The following CTNNA2 variants were observed in gnomAD, a reference collection of about 807,000 sequenced individuals.
The protein encoded by CTNNA2 is catenin alpha 2.
In CTNNA2, 42 loss-of-function variants were observed where a neutral mutation model predicts 101.0. The ratio of observed to expected loss-of-function variants is 0.42; its 90% CI spans 0.32 to 0.54. The LOEUF (loss-of-function observed/expected upper bound fraction) is 0.54. Among genes scored for constraint, CTNNA2 ranks in the 20% least tolerant of loss-of-function variants. CTNNA2 has a pLI of 0.14. For synonymous variants in CTNNA2, 450 were observed against 456.4 expected, an observed-to-expected ratio of 0.99 and a Z score of 0.18; for missense variants, 871 against 1,223.1, an observed-to-expected ratio of 0.71 and a Z score of 4.29.
intron 7 of CTNNA2, among the ~76,000 whole-genome samples, chr2:80,297,893 G>A (rs1558979283): frequency 6.6e-6 from 1 of 152,088 alleles, no homozygotes; most frequent in African/African-American, 2.4e-5. Flanking sequence ...CTGAATAAAA[G>A]TTTGATTATG....
chr2:79,665,506 T>G (rs1190582636), intron 2 of CTNNA2, among the ~76,000 whole-genome samples: 1 of 152,242 alleles, frequency 6.6e-6, no homozygotes, highest in African/African-American at 2.4e-5. Flanking sequence ...CACATGAAAG[T>G]GCCCTCCTCT....
chr2:79,390,245 G>A (rs1678157690), intron 4 of CTNNA2, among the ~76,000 whole-genome samples: 1 of 152,058 alleles, frequency 6.6e-6, no homozygotes, highest in Non-Finnish European at 1.5e-5. Context: ...TGCTTAAATA[G>A]CAATAAACAA....
intron 4 of CTNNA2, among the ~76,000 whole-genome samples, chr2:79,461,853 T>G (rs1228751328): frequency 6.6e-6 from 1 of 151,926 alleles, no homozygotes. Flanking sequence ...GAGAATAAAT[T>G]GTCACTTCAG....
intron 7 of CTNNA2, among the ~76,000 whole-genome samples, chr2:80,126,737 C>T (rs773513910): frequency 2.0e-5 from 3 of 151,478 alleles, no homozygotes; most frequent in Non-Finnish European, 2.9e-5. Flanking sequence ...CATGGCCTAC[C>T]CTTCTTTTCC....
intron 5 of CTNNA2, chr2:79,505,299 T>G (rs1052782582): frequency 1.3e-5 from 2 of 152,216 alleles, no homozygotes; most frequent in African/African-American, 2.4e-5. Context: ...TTCTAACACC[T>G]GCATAATCAG....
chr2:79,931,493 G>C (rs1292719604), intron 7 of CTNNA2, among the ~76,000 whole-genome samples: 1 of 152,018 alleles, frequency 6.6e-6, no homozygotes, highest in Non-Finnish European at 1.5e-5. Context: ...TTGTACCCAT[G>C]GTCCTCAAAG....
intron 2 of CTNNA2, among the ~76,000 whole-genome samples, chr2:79,652,166 G>A (rs1244965654): frequency 1.3e-5 from 2 of 151,288 alleles, no homozygotes; most frequent in African/African-American, 4.9e-5. Context: ...ATTTTTAAGT[G>A]TTATAAGTTA....
chr2:79,772,609 G>A (rs1324955362), intron 3 of CTNNA2, among the ~76,000 whole-genome samples: 3 of 152,114 alleles, frequency 2.0e-5, no homozygotes, highest in Admixed American at 6.5e-5. Flanking sequence ...GTTCTCTTCT[G>A]TTGCCCGGGC....
At chr2:80,368,938 G>A (rs371801577) in intron 7 of CTNNA2, among the ~76,000 whole-genome samples, 4 of 151,592 alleles carry the variant, frequency 2.6e-5, no homozygotes, top group African/African-American at 9.7e-5. Flanking sequence ...GAGAACTGGT[G>A]AAGTTTGGAA....
chr2:79,917,400 C>T (rs940280631), intron 7 of CTNNA2, among the ~76,000 whole-genome samples: 5 of 152,100 alleles, frequency 3.3e-5, no homozygotes, highest in Non-Finnish European at 4.4e-5. Flanking sequence ...ATTTCTTGCT[C>T]AGATATTGCC....
chr2:79,854,057 A>G (rs533224706), intron 3 of CTNNA2, among the ~76,000 whole-genome samples: 29 of 152,304 alleles, frequency 1.9e-4, no homozygotes, highest in African/African-American at 6.7e-4. Flanking sequence ...ACAATTATGT[A>G]TTCATCCCAG....
At position 80,647,903 on chromosome 2, in the gene CTNNA2, T is replaced by C; in HGVS notation, c.*31T>C. On this transcript the variant is annotated 3_prime_UTR_variant, in exon 19 of 19. Transcript: ENST00000402739. ...TAGGTTTTAACAAGAAAGCTTTTTC[T>C]TTCTTTTCTTTCTTTCTTTTTCTTT... 6.6e-7 allele frequency: 1 copy of C among 1,526,460 alleles called. No individual in the cohort carries two copies. The highest frequency in any genetic ancestry group is 8.8e-7 in the Non-Finnish European group (1 of 1,138,286). The allele number at this position is 1,526,460 out of a possible 1,614,324, so 94.6% of individuals were successfully genotyped here.
At chr2:80,592,279 G>A (rs1696578681) in intron 15 of CTNNA2, among the ~76,000 whole-genome samples, 3 of 152,030 alleles carry the variant, frequency 2.0e-5, no homozygotes, top group Admixed American at 6.6e-5. Flanking sequence ...CTTAGGGAGC[G>A]CTTTACTGGT....
intron 18 of CTNNA2, among the ~76,000 whole-genome samples, chr2:80,629,812 T>G (rs1672086918): frequency 6.6e-6 from 1 of 152,200 alleles, no homozygotes; most frequent in Admixed American, 6.5e-5. Flanking sequence ...CTCCAAACTT[T>G]GCTGAACGTA....
intron 2 of CTNNA2, among the ~76,000 whole-genome samples, chr2:79,711,174 A>G (rs1025527092): frequency 7.0e-6 from 1 of 143,158 alleles, no homozygotes; most frequent in African/African-American, 3.0e-5. Context: ...TGAAATGAGA[A>G]AACCTATGGC....
intron 3 of CTNNA2, among the ~76,000 whole-genome samples, chr2:79,352,857 G>A (rs914089898): frequency 6.6e-6 from 1 of 152,186 alleles, no homozygotes; most frequent in African/African-American, 2.4e-5. Flanking sequence ...TGTGAGCTAT[G>A]CAGGCTTCTG....
At chr2:79,758,839 T>A (rs375854978) in intron 3 of CTNNA2, among the ~76,000 whole-genome samples, 90 of 152,288 alleles carry the variant, frequency 5.9e-4, no homozygotes, top group African/African-American at 2.1e-3. Context: ...CTATATCCAA[T>A]CCACTGTTGA....
chr2:79,317,808 T>C (rs1676530415), intron 3 of CTNNA2, among the ~76,000 whole-genome samples: 2 of 152,118 alleles, frequency 1.3e-5, no homozygotes, highest in Admixed American at 1.3e-4. Flanking sequence ...TATGATTTTA[T>C]GTTAATACAT....
intron 4 of CTNNA2, among the ~76,000 whole-genome samples, chr2:79,452,340 G>T (rs1670765877): frequency 6.6e-6 from 1 of 151,758 alleles, no homozygotes; most frequent in African/African-American, 2.4e-5. Context: ...CATATCTTCA[G>T]TGAAACTTCA....
Sources: gnomAD v4.1 joint callset for allele counts (sites outside exome capture counted in the v4.1 genomes callset) on GRCh38, gnomAD v4.1.1 for gene constraint, MANE v1.5 for transcripts, NCBI Gene and HGNC (gene_info 2026-07-23, HGNC 2026-07-21) for gene names.